The following TRPC6 variants were observed in gnomAD, a reference collection of about 807,000 sequenced individuals.
The protein encoded by TRPC6 is short transient receptor potential channel 6.
A neutral mutation model predicts 90.7 loss-of-function variants in TRPC6; 55 were observed. The observed-to-expected ratio is 0.61, with a 90% CI of 0.49 to 0.76. TRPC6 has a LOEUF of 0.76. Ranked by LOEUF, TRPC6 falls within the 30% of genes least tolerant of loss-of-function variation. The pLI is 0.00. For synonymous variants in TRPC6, 393 were observed against 393.0 expected, an observed-to-expected ratio of 1.00 and a Z score of 0.00; for missense variants, 989 against 1,122.7, an observed-to-expected ratio of 0.88 and a Z score of 1.70.
chr11:101,470,161 A>C lies in TRPC6; in HGVS notation c.2410-660T>G, dbSNP rs908438537. On this transcript the variant is annotated intron_variant, in intron 9 of 12. Coordinates refer to ENST00000344327, the MANE Select transcript of TRPC6 (RefSeq NM_004621.6). ...GCCATCTGGCATTTATTGACTTCTTACAATGGTGGGAGGCTCACTACTTCT... is the reference window on the plus strand; with the variant it reads ...GCCATCTGGCATTTATTGACTTCTTCCAATGGTGGGAGGCTCACTACTTCT... 3.3e-5 allele frequency among the ~76,000 whole-genome samples: 5 copies of C among 152,338 alleles called. 1 individual carries two copies. Among genetic ancestry groups the C allele is most frequent in the Admixed American group, 1.3e-4 (2 of 15,290 alleles).
chr11:101,526,005 C>T (rs1860771588), intron 1 of TRPC6, among the ~76,000 whole-genome samples: 1 of 152,186 alleles, frequency 6.6e-6, no homozygotes. Flanking sequence ...ACTCATAGCC[C>T]TCATTGCAGA....
Position 101,504,278 on chromosome 11 carries a change from C to A in TRPC6, c.691G>T (p.Glu231Ter), listed in dbSNP as rs777998415. The A allele has an allele frequency of 6.2e-7, 1 of 1,612,922 alleles. No homozygotes were observed. Among genetic ancestry groups the A allele is most frequent in the Non-Finnish European group, 8.5e-7 (1 of 1,179,066 alleles). ...AGGAGGGTATGCACAATTTCATATTCCTGGCAGTGGGCAGCCAGAATGATT... is the reference window on the plus strand; with the variant it reads ...AGGAGGGTATGCACAATTTCATATTACTGGCAGTGGGCAGCCAGAATGATT... ...TPIILAAHCQ[E>*]YEIVHTLLRK... Residue 231 changes from glutamate (E) to a stop codon, truncating the protein, a stop_gained, in exon 2 of 13, where the codon GAA (glutamate) becomes TAA (stop). Coordinates refer to ENST00000344327, the MANE Select transcript of TRPC6 (RefSeq NM_004621.6). LOFTEE classifies it high-confidence loss of function.
Position 101,565,409 on chromosome 11 carries a change from T to G in TRPC6, c.170+17925A>C, listed in dbSNP as rs868006885. Among the ~76,000 whole-genome samples the G allele has an allele frequency of 6.4e-4, 97 of 152,210 alleles. No individual in the cohort carries two copies. In the Middle Eastern group the frequency reaches 0.01, roughly 16 times the overall value. On this transcript the variant is annotated intron_variant, in intron 1 of 12. Transcript: ENST00000344327. ...TTTTAAAAAGGACAAATTTCCTCAA[T>G]ACTTCCTGAAATTACAGACTTGAAG... is the stretch of plus-strand genomic sequence containing the variant.
rs189390713 is a variant in TRPC6 at position 101,454,070 on chromosome 11, G to A, written c.2569-345C>T. ...AGGTAAAAGATGTACACTACTGCTC[G>A]TGGAAATGGGAAATTAAGCTAATGT... On this transcript the variant is annotated intron_variant, in intron 11 of 12. Coordinates refer to ENST00000344327, the MANE Select transcript of TRPC6 (RefSeq NM_004621.6). Among the ~76,000 whole-genome samples the A allele has an allele frequency of 3.4e-3, 511 of 152,192 alleles. 2 individuals carry two copies. Among genetic ancestry groups the A allele is most frequent in the Admixed American group, 0.018 (276 of 15,280 alleles).
At chr11:101,472,366 A>G in intron 7 of TRPC6, 34 bp from the exon 8 acceptor site, 1 of 1,579,472 alleles carries the variant, frequency 6.3e-7, no homozygotes, top group Non-Finnish European at 8.7e-7. Context: ...AAGAAATAAG[A>G]AAGTGTATAA....
At chr11:101,527,040 T>C (rs1860797372) in intron 1 of TRPC6, among the ~76,000 whole-genome samples, 1 of 152,050 alleles carries the variant, frequency 6.6e-6, no homozygotes, top group African/African-American at 2.4e-5. Flanking sequence ...AAAAATATTA[T>C]ATAGCTGCAA....
At chr11:101,557,581 G>A (rs953568579) in intron 1 of TRPC6, among the ~76,000 whole-genome samples, 20 of 151,742 alleles carry the variant, frequency 1.3e-4, no homozygotes, top group Admixed American at 7.2e-4. Flanking sequence ...TCTGCTTGTA[G>A]ATAATATAAT....
intron 2 of TRPC6, among the ~76,000 whole-genome samples, chr11:101,502,173 G>A (rs1026506829): frequency 4.6e-5 from 7 of 152,108 alleles, no homozygotes; most frequent in Non-Finnish European, 1.0e-4. Flanking sequence ...CTTCATCATC[G>A]TGTGGAGGCC....
chr11:101,526,900 T>TAAAAAAAAAAAAAAAAAAAAAAAAAAAAA (rs1860794749), intron 1 of TRPC6, among the ~76,000 whole-genome samples: 1 of 86,140 alleles, frequency 1.2e-5, no homozygotes, highest in African/African-American at 4.4e-5. Context: ...AAAAAAAAAT[T>TAAAAAAAAAAAAAAAAAAAAAAAAAAAAA]AAATAGTCTT....
rs10635008 is a variant in TRPC6, at chr11:101,516,108, G to GAAAAAAAAA, written c.171-11319_171-11311dup. Reference sequence around the variant, plus strand: ...TGAATTTCTTTTAAAATGCAGCTGGGAAAAAAAAAAAAAAGCAGAGTTTCA... The same window carrying GAAAAAAAAA: ...TGAATTTCTTTTAAAATGCAGCTGGGAAAAAAAAAAAAAAAAAAAAAAAGCAGAGTTTCA... On this transcript the variant is annotated intron_variant, in intron 1 of 12. Transcript: ENST00000344327. 4.7e-3 allele frequency among the ~76,000 whole-genome samples: 622 copies of GAAAAAAAAA among 133,192 alleles called. 11 individuals carry two copies. The highest frequency in any genetic ancestry group is 0.016 in the African/African-American group (564 of 35,130). 87.4% of individuals were successfully genotyped at this position (133,192 alleles called of 152,430 possible).
chr11:101,565,523 T>C (rs1481332883), intron 1 of TRPC6, among the ~76,000 whole-genome samples: 2 of 152,008 alleles, frequency 1.3e-5, no homozygotes, highest in African/African-American at 4.8e-5. Flanking sequence ...AATTCCAATA[T>C]AAAATTTTGC....
chr11:101,534,863 G>C (rs1246496487), intron 1 of TRPC6, among the ~76,000 whole-genome samples: 1 of 152,116 alleles, frequency 6.6e-6, no homozygotes, highest in Non-Finnish European at 1.5e-5. Context: ...ATTTATATGA[G>C]AAAATGAACA....
intron 3 of TRPC6, among the ~76,000 whole-genome samples, chr11:101,489,754 T>A (rs1859761542): frequency 6.6e-6 from 1 of 151,874 alleles, no homozygotes; most frequent in Admixed American, 6.6e-5. Context: ...TGGTAAAGAA[T>A]ATTAAAAAGT....
chr11:101,507,046 CACACAG>C (rs1233749344), intron 1 of TRPC6, among the ~76,000 whole-genome samples: 14 of 146,226 alleles, frequency 9.6e-5, no homozygotes, highest in African/African-American at 3.8e-4. Flanking sequence ...CACACACACA[CACACAG>C]ACCCCCTTCA....
rs182475858 is a variant in TRPC6, at chr11:101,583,868, A to C, written c.-365T>G. Reference sequence around the variant, plus strand: ...GACGGAGCTGAAGAGTTACTATGTCAACAGAGACTCTCCAGCCCTCAGCTC... The same window carrying C: ...GACGGAGCTGAAGAGTTACTATGTCCACAGAGACTCTCCAGCCCTCAGCTC... On this transcript the variant is annotated 5_prime_UTR_variant, in exon 1 of 13. Coordinates refer to ENST00000344327, the MANE Select transcript of TRPC6 (RefSeq NM_004621.6). 1.9e-4 allele frequency: 40 copies of C among 208,796 alleles called. No individual in the cohort carries two copies. Among genetic ancestry groups the C allele is most frequent in the Admixed American group, 4.7e-4 (8 of 16,872 alleles). The allele number at this position is 208,796 out of a possible 1,614,324, so 12.9% of individuals were successfully genotyped here.
chr11:101,475,255 A>C (rs915062634), intron 6 of TRPC6, among the ~76,000 whole-genome samples: 2 of 152,156 alleles, frequency 1.3e-5, no homozygotes. Context: ...CTTCGTTTTC[A>C]AATACTTTTT....
intron 6 of TRPC6, among the ~76,000 whole-genome samples, chr11:101,475,991 T>TA (rs1291627682): frequency 6.6e-6 from 1 of 151,786 alleles, no homozygotes; most frequent in Admixed American, 6.6e-5. Context: ...TATTTTTAAT[T>TA]AAAAAAGAGG....
At chr11:101,547,200 T>C (rs915799046) in intron 1 of TRPC6, among the ~76,000 whole-genome samples, 7 of 152,178 alleles carry the variant, frequency 4.6e-5, no homozygotes, top group African/African-American at 1.7e-4. Context: ...TACATGTGTA[T>C]TGTGTCTCCC....
In TRPC6 at chr11:101,579,865, T is replaced by C. The variant is rs538794907; in HGVS notation, c.170+3469A>G. 1.4e-4 allele frequency among the ~76,000 whole-genome samples: 22 copies of C among 152,300 alleles called. No individual in the cohort carries two copies. In the East Asian group the frequency reaches 2.3e-3, roughly 16 times the overall value. On this transcript the variant is annotated intron_variant, in intron 1 of 12. Transcript: ENST00000344327. ...GAGTTTACCTTCTTTCTGTCTCATATGGACATCAGATTCCAGGCTTCTTCG... is the reference window on the plus strand; with the variant it reads ...GAGTTTACCTTCTTTCTGTCTCATACGGACATCAGATTCCAGGCTTCTTCG...
Sources: gnomAD v4.1 joint callset for allele counts (sites outside exome capture counted in the v4.1 genomes callset) on GRCh38, gnomAD v4.1.1 for gene constraint, MANE v1.5 for transcripts, NCBI Gene and HGNC (gene_info 2026-07-23, HGNC 2026-07-21) for gene names.